DLG5: variants seen among roughly 807,000 people sequenced by gnomAD.
DLG5 encodes discs large MAGUK scaffold protein 5, also known as disks large homolog 5.
DLG5 carries 48 observed loss-of-function variants against 189.8 expected under a neutral mutation model. The observed-to-expected ratio is 0.25, with a 90% CI of 0.20 to 0.32. DLG5 has a LOEUF of 0.32. Ranked by LOEUF, DLG5 falls within the 10% of genes least tolerant of loss-of-function variation. DLG5 has a pLI of 1.00. For missense variants in DLG5, 2,160 were observed against 2,544.7 expected (o/e 0.85, Z 3.25); for synonymous variants, 1,016 against 1,054.1 (o/e 0.96, Z 0.70).
Position 77,896,030 on chromosome 10 carries a change from C to A in DLG5, c.305-26833G>T, listed in dbSNP as rs569765954. ...CAAAAATTAGCCAGGCGTGGTGATG[C>A]ACGCCTGTAATCCCAGCTACTCAGG... On this transcript the variant is annotated intron_variant, in intron 1 of 31. Coordinates refer to ENST00000372391, the MANE Select transcript of DLG5 (RefSeq NM_004747.4). Among the ~76,000 whole-genome samples, 3 of 152,234 alleles carry A rather than the reference C, an allele frequency of 2.0e-5. No individual in the cohort carries two copies. The Middle Eastern group carries it at 0.01, about 518-fold the overall frequency.
chr10:77,874,687 CCAAACCCCAAAAA>C lies in DLG5; in HGVS notation c.305-5503_305-5491del, dbSNP rs1845030186. 2.6e-5 allele frequency among the ~76,000 whole-genome samples: 4 copies of C among 152,198 alleles called. 1 individual carries two copies. The South Asian group carries it at 8.3e-4, about 32-fold the overall frequency. On this transcript the variant is annotated intron_variant, in intron 1 of 31. Coordinates refer to ENST00000372391, the MANE Select transcript of DLG5 (RefSeq NM_004747.4). ...CAAATATTCCAGAATCTAGAGAAAT[CCAAACCCCAAAAA>C]CACTTCTGGTTCCAAGGATTTCAGA...
intron 30 of DLG5, among the ~76,000 whole-genome samples, chr10:77,794,559 G>T (rs1840811302): frequency 6.6e-6 from 1 of 152,224 alleles, no homozygotes; most frequent in Non-Finnish European, 1.5e-5. Context: ...AGGGGGCTGG[G>T]GCAGGAGAGG....
chr10:77,866,747 G>A (rs1844698753), intron 2 of DLG5: 1 of 347,852 alleles, frequency 2.9e-6, no homozygotes, highest in African/African-American at 2.1e-5. Context: ...ACACAGAGGA[G>A]GGCAGAGCTG....
intron 25 of DLG5, among the ~76,000 whole-genome samples, chr10:77,807,324 T>A (rs1449546429): frequency 6.6e-6 from 1 of 152,150 alleles, no homozygotes; most frequent in East Asian, 1.9e-4. Context: ...ACCGCATCAG[T>A]GTTCTCATGC....
chr10:77,812,117 C>T, intron 21 of DLG5, 60 bp from the exon 22 acceptor site: 1 of 1,599,674 alleles, frequency 6.3e-7, no homozygotes, highest in Non-Finnish European at 8.5e-7. Context: ...GGGAGGAGGC[C>T]CTGGGGACTT....
intron 1 of DLG5, among the ~76,000 whole-genome samples, chr10:77,925,739 G>C (rs1050130223): frequency 6.6e-6 from 1 of 152,180 alleles, no homozygotes; most frequent in African/African-American, 2.4e-5. Flanking sequence ...AAAGGAGCTG[G>C]GACAGCCAGA....
At chr10:77,906,408 G>A (rs185516462) in intron 1 of DLG5, among the ~76,000 whole-genome samples, 10 of 152,168 alleles carry the variant, frequency 6.6e-5, no homozygotes, top group East Asian at 5.8e-4. Context: ...CACTTGTACC[G>A]TAAGCATCAC....
intron 1 of DLG5, among the ~76,000 whole-genome samples, chr10:77,878,303 A>G (rs1182840555): frequency 1.3e-5 from 2 of 152,202 alleles, no homozygotes; most frequent in South Asian, 2.1e-4. Flanking sequence ...GCATTTCCTC[A>G]TTTATAAAAT....
chr10:77,889,099 CCTCACAAGCCCACAGGTAACCTCCCAGG>C (rs1845531069), intron 1 of DLG5, among the ~76,000 whole-genome samples: 2 of 140,240 alleles, frequency 1.4e-5, no homozygotes, highest in Admixed American at 7.0e-5. Context: ...ACCTCCCAGG[CCTCACAAGCCCACAGGTAACCTCCCAGG>C]CCTCACAAGC....
In DLG5 at chr10:77,894,543, CT is replaced by C. The variant is rs35379334; in HGVS notation, c.305-25347del. Among the ~76,000 whole-genome samples, 390 of 95,918 alleles carry C rather than the reference CT, an allele frequency of 4.1e-3. 1 individual carries two copies. Among genetic ancestry groups the C allele is most frequent in the African/African-American group, 0.012 (292 of 24,104 alleles). The allele number at this position is 95,918 out of a possible 152,430, so 62.9% of individuals were successfully genotyped here. A position where few individuals can be genotyped will look rare whatever the true frequency, so the allele number is the denominator to read the frequency against. The stretch of plus-strand genomic sequence containing the variant: ...GCTTTATTGTCAGCAAAGAATAAAG[CT>C]TTTTTTTTTTTTTTTTTTTTGATGG... On this transcript the variant is annotated intron_variant, in intron 1 of 31. Transcript: ENST00000372391.
At chr10:77,907,606 C>T (rs906622435) in intron 1 of DLG5, among the ~76,000 whole-genome samples, 3 of 152,148 alleles carry the variant, frequency 2.0e-5, no homozygotes, top group East Asian at 1.9e-4. Flanking sequence ...TAGCAGCTTA[C>T]GCTTACACAG....
chr10:77,935,823 C>A, the DLG5 span, among the ~76,000 whole-genome samples: 3 of 152,272 alleles, frequency 2.0e-5, no homozygotes, highest in South Asian at 6.2e-4. Context: ...GCAGTTGTTT[C>A]TAGGACAGGT....
chr10:77,906,281 C>T (rs1053411679), intron 1 of DLG5, among the ~76,000 whole-genome samples: 1 of 152,238 alleles, frequency 6.6e-6, no homozygotes, highest in Non-Finnish European at 1.5e-5. Flanking sequence ...CAGCATCCAG[C>T]TTTCTAGTTC....
chr10:77,848,608 A>G (rs1334975886), intron 5 of DLG5, among the ~76,000 whole-genome samples: 3 of 152,216 alleles, frequency 2.0e-5, no homozygotes, highest in African/African-American at 7.2e-5. Context: ...CGCTCCACAC[A>G]GAATTCGATT....
chr10:77,821,568 G>A lies in DLG5; in HGVS notation c.2916C>T (p.Ser972=), dbSNP rs1236150340. 1.9e-6 allele frequency: 3 copies of A among 1,612,876 alleles called. No homozygotes were observed. Among genetic ancestry groups the A allele is most frequent in the East Asian group, 2.2e-5 (1 of 44,894 alleles). ...SVYKKPKQRK[S]IFDPNTFKRP... is the part of the protein sequence containing the mutation. ...GTTTGAAAGTGTTAGGGTCAAAGAT[G>A]GACTTTCTTTGCTTTGGCTTTTTAT... Residue 972 remains serine (S), a synonymous_variant, in exon 15 of 32, where the codon TCC becomes TCT. Transcript: ENST00000372391.
At chr10:77,874,121 C>T (rs1048907048) in intron 1 of DLG5, among the ~76,000 whole-genome samples, 6 of 152,220 alleles carry the variant, frequency 3.9e-5, no homozygotes, top group African/African-American at 9.6e-5. Context: ...GGGCCAGGTT[C>T]GGGAGAAAGA....
intron 20 of DLG5, among the ~76,000 whole-genome samples, chr10:77,815,329 T>A (rs1291369171): frequency 6.6e-6 from 1 of 152,208 alleles, no homozygotes; most frequent in African/African-American, 2.4e-5. Context: ...GTTCTCTGGT[T>A]GGTTGCCTTT....
chr10:77,882,429 A>G (rs1248647), intron 1 of DLG5, among the ~76,000 whole-genome samples: 38,747 of 151,934 alleles, frequency 0.26, 5,518 homozygotes, highest in Admixed American at 0.39. Context: ...TCCATTTTTC[A>G]CCTCCTCAGG....
intron 14 of DLG5, 142 bp from the exon 15 acceptor site, chr10:77,822,243 C>A (rs1484146831): frequency 1.2e-6 from 1 of 867,644 alleles, no homozygotes; most frequent in Non-Finnish European, 1.7e-6. Flanking sequence ...GACAGAGATG[C>A]ACACACACAT....
Sources: gnomAD v4.1 joint callset for allele counts (sites outside exome capture counted in the v4.1 genomes callset) on GRCh38, gnomAD v4.1.1 for gene constraint, MANE v1.5 for transcripts, NCBI Gene and HGNC (gene_info 2026-07-23, HGNC 2026-07-21) for gene names.